DAB2IP: variants seen among roughly 807,000 people sequenced by gnomAD.
DAB2IP encodes disabled homolog 2-interacting protein.
Under a neutral mutation model 107.2 loss-of-function variants are expected in DAB2IP, and 28 were observed. The ratio of observed to expected loss-of-function variants is 0.26; its 90% CI spans 0.19 to 0.36. DAB2IP has a LOEUF of 0.36. Ranked by LOEUF, DAB2IP falls within the 10% of genes least tolerant of loss-of-function variation. The probability of loss-of-function intolerance (pLI) is 1.00; values close to 1 mark genes in which losing one functional copy is unlikely to be tolerated. For missense variants in DAB2IP, 1,400 were observed against 1,644.7 expected (o/e 0.85, Z 2.57); for synonymous variants, 755 against 706.4 (o/e 1.07, Z -1.09).
At chr9:121,670,448 GA>G (rs1833629206) in intron 1 of DAB2IP, among the ~76,000 whole-genome samples, 3 of 152,180 alleles carry the variant, frequency 2.0e-5, no homozygotes, top group African/African-American at 7.2e-5. Flanking sequence ...AGGCTCTAGG[GA>G]AAAACCCATT....
chr9:121,653,865 G>T (rs770028904), intron 1 of DAB2IP, among the ~76,000 whole-genome samples: 1 of 152,208 alleles, frequency 6.6e-6, no homozygotes, highest in Non-Finnish European at 1.5e-5. Context: ...AGGAGCTCAC[G>T]GCCTGCAGAG....
chr9:121,678,704 C>A, exon 2 of DAB2IP: 3 of 1,587,326 alleles, frequency 1.9e-6, no homozygotes, highest in Non-Finnish European at 2.6e-6. Context: ...GCCGGGCTCT[C>A]GGCGCAGCCT....
chr9:121,783,561 T>C (rs774328042), exon 16 of DAB2IP: 1 of 1,614,020 alleles, frequency 6.2e-7, no homozygotes, highest in Non-Finnish European at 8.5e-7. Context: ...AAAGCCCGCT[T>C]GCTCGCTTGC....
At chr9:121,624,152 G>T (rs999276908) in intron 1 of DAB2IP, among the ~76,000 whole-genome samples, 2 of 152,204 alleles carry the variant, frequency 1.3e-5, no homozygotes, top group Non-Finnish European at 2.9e-5. Context: ...CCTGGCTCAG[G>T]TGTCACCTTC....
chr9:121,782,146 C>T lies in DAB2IP; in HGVS notation c.3403-185C>T, dbSNP rs1835706403. On this transcript the variant is annotated intron_variant, in intron 15 of 15. Coordinates refer to ENST00000408936, the Ensembl canonical transcript of DAB2IP. This position sits in a 1 kb window ranked among gnomAD's most constrained non-coding sequence, Gnocchi z 6.1. ...TGCTGCATTTGGGCTGATAAGCAGG[C>T]AGCGAGGCTGTGTCCATGATGCTGC... 6.6e-6 allele frequency among the ~76,000 whole-genome samples: 1 copy of T among 152,146 alleles called. No homozygotes were observed. Among genetic ancestry groups the T allele is most frequent in the African/African-American group, 2.4e-5 (1 of 41,420 alleles).
In DAB2IP at chr9:121,783,659, A is replaced by ACAG. The variant is rs1835814982; in HGVS notation, c.*1169_*1171dup. On this transcript the variant is annotated 3_prime_UTR_variant, in exon 16 of 16. Transcript: ENST00000408936. ...ATGTTAGACTTGCTCCCTCTCCAAG[A>ACAG]CAGCAGCAGCCTGCACCTGCCCCGT... 14 of 1,375,812 alleles carry ACAG rather than the reference A, an allele frequency of 1.0e-5. No homozygotes were observed. The South Asian group carries it at 1.6e-4, about 16-fold the overall frequency. The allele number at this position is 1,375,812 out of a possible 1,614,324, so 85.2% of individuals were successfully genotyped here.
intron 1 of DAB2IP, among the ~76,000 whole-genome samples, chr9:121,623,900 C>A (rs566547): frequency 6.6e-6 from 1 of 151,974 alleles, no homozygotes; most frequent in African/African-American, 2.4e-5. Flanking sequence ...ATTGACCAGG[C>A]GGGTTAAGGT....
chr9:121,677,580 T>C (rs1828328619), intron 1 of DAB2IP, among the ~76,000 whole-genome samples: 1 of 152,186 alleles, frequency 6.6e-6, no homozygotes, highest in Non-Finnish European at 1.5e-5. Flanking sequence ...TCCCAGGAGA[T>C]GGCTCAGTTA....
intron 1 of DAB2IP, among the ~76,000 whole-genome samples, chr9:121,606,923 T>C (rs1830901255): frequency 6.6e-6 from 1 of 152,064 alleles, no homozygotes; most frequent in Non-Finnish European, 1.5e-5. Flanking sequence ...TACAGGTGCA[T>C]GCCACCATGC....
chr9:121,613,046 T>C (rs1416705017), intron 1 of DAB2IP, among the ~76,000 whole-genome samples: 1 of 152,176 alleles, frequency 6.6e-6, no homozygotes, highest in Non-Finnish European at 1.5e-5. Context: ...GGCTATGCTT[T>C]CGGACAGGAA....
chr9:121,780,273 C>T, intron 14 of DAB2IP, among the ~76,000 whole-genome samples: 1 of 152,200 alleles, frequency 6.6e-6, no homozygotes. Flanking sequence ...GCCACCCCAC[C>T]CCCAGCACAA....
intron 3 of DAB2IP, among the ~76,000 whole-genome samples, chr9:121,704,252 C>T (rs1829941984): frequency 6.6e-6 from 1 of 152,158 alleles, no homozygotes; most frequent in African/African-American, 2.4e-5. Context: ...ATGTCACCCA[C>T]CAAAATCCTG....
At chr9:121,665,384 A>G (rs2119100817) in intron 1 of DAB2IP, among the ~76,000 whole-genome samples, 1 of 152,340 alleles carries the variant, frequency 6.6e-6, no homozygotes, top group East Asian at 1.9e-4. Context: ...GCAGAACATT[A>G]CTAAGGTGGA....
chr9:121,757,884 A>C (rs1388585094), intron 4 of DAB2IP, among the ~76,000 whole-genome samples: 1 of 152,198 alleles, frequency 6.6e-6, no homozygotes, highest in African/African-American at 2.4e-5. Context: ...CTTGTAGAGG[A>C]ATGAGCCTGG....
At chr9:121,768,729 C>G (rs1024906602) in intron 10 of DAB2IP, 96 bp downstream of exon 10, 23 of 1,499,706 alleles carry the variant, frequency 1.5e-5, no homozygotes, top group Non-Finnish European at 1.5e-5. Flanking sequence ...AGAGAGTTTG[C>G]CCAAGTGGCA....
At chr9:121,766,895 TCTC>T (rs1036644735) in intron 9 of DAB2IP, among the ~76,000 whole-genome samples, 165 bp downstream of exon 9, 4 of 152,266 alleles carry the variant, frequency 2.6e-5, no homozygotes, top group East Asian at 3.9e-4. Flanking sequence ...AAAAATAAAA[TCTC>T]CACACCCTGT....
intron 1 of DAB2IP, among the ~76,000 whole-genome samples, chr9:121,638,565 AATGCGAGTCAGCC>A (rs1832168904): frequency 6.6e-6 from 1 of 152,184 alleles, no homozygotes; most frequent in Admixed American, 6.5e-5. Flanking sequence ...AGGAAGAGTG[AATGCGAGTCAGCC>A]AGGTGGCTCA....
In DAB2IP at chr9:121,614,277, A is replaced by G. The variant is rs1831188816; in HGVS notation, c.40+47049A>G. On this transcript the variant is annotated intron_variant, in intron 1 of 16. Coordinates refer to the DAB2IP transcript ENST00000259371. Reference sequence around the variant, plus strand: ...TTTCTAGCCTTGACCTCCTTCTTGCAAGATGATAACCAGGACCTAATGTGT... The same window carrying G: ...TTTCTAGCCTTGACCTCCTTCTTGCGAGATGATAACCAGGACCTAATGTGT... Among the ~76,000 whole-genome samples, 3 of 151,674 alleles carry G rather than the reference A, an allele frequency of 2.0e-5. No homozygotes were observed. In the South Asian group the frequency reaches 6.3e-4, roughly 32 times the overall value.
intron 1 of DAB2IP, among the ~76,000 whole-genome samples, chr9:121,592,723 T>C (rs926908299): frequency 6.6e-6 from 1 of 152,214 alleles, no homozygotes. Flanking sequence ...CAAGTGGACA[T>C]ACGTGGATTT....
Sources: gnomAD v4.1 joint callset for allele counts (sites outside exome capture counted in the v4.1 genomes callset) on GRCh38, gnomAD v4.1.1 for gene constraint, Gnocchi (gnomAD v3.1) non-coding constraint, MANE v1.5 for transcripts, NCBI Gene and HGNC (gene_info 2026-07-23, HGNC 2026-07-21) for gene names.